SUGCT: variants seen among roughly 807,000 people sequenced by gnomAD.
SUGCT encodes succinyl-CoA:glutarate CoA-transferase.
SUGCT carries 41 observed loss-of-function variants against 55.0 expected under a neutral mutation model. The ratio of observed to expected loss-of-function variants is 0.74; its 90% CI spans 0.58 to 0.97. The LOEUF is 0.97. Among genes scored for constraint, SUGCT ranks in the 50% least tolerant of loss-of-function variants. SUGCT has a pLI of 0.00. For missense variants in SUGCT, 568 were observed against 547.8 expected, an observed-to-expected ratio of 1.04 and a Z score of -0.37; for synonymous variants, 187 against 200.4, an observed-to-expected ratio of 0.93 and a Z score of 0.56.
intron 13 of SUGCT, among the ~76,000 whole-genome samples, chr7:40,790,386 G>T (rs1490111269): frequency 1.3e-5 from 2 of 152,148 alleles, no homozygotes; most frequent in Non-Finnish European, 2.9e-5. Context: ...GTGGAACTGT[G>T]ACTCAATTAA....
chr7:40,411,347 C>T (rs1038233085), intron 9 of SUGCT, among the ~76,000 whole-genome samples: 2 of 152,148 alleles, frequency 1.3e-5, no homozygotes, highest in South Asian at 2.1e-4. Flanking sequence ...GAGCCGAGAT[C>T]GTGCCACTGT....
chr7:40,314,721 T>C (rs572679377), intron 8 of SUGCT, among the ~76,000 whole-genome samples: 1 of 152,140 alleles, frequency 6.6e-6, no homozygotes, highest in South Asian at 2.1e-4. Context: ...TGTGCCACCA[T>C]GCCTGGCTAA....
intron 9 of SUGCT, among the ~76,000 whole-genome samples, chr7:40,330,129 A>T (rs1325079232): frequency 6.6e-6 from 1 of 152,230 alleles, no homozygotes; most frequent in Non-Finnish European, 1.5e-5. Flanking sequence ...CGTAGACATT[A>T]TTGAGAACAG....
chr7:40,898,723 C>T, the SUGCT span, among the ~76,000 whole-genome samples: 25 of 152,012 alleles, frequency 1.6e-4, no homozygotes, highest in Non-Finnish European at 2.8e-4. Context: ...ACACTTACCA[C>T]GAGGGTACGC....
intron 9 of SUGCT, among the ~76,000 whole-genome samples, chr7:40,320,036 C>T (rs374911004): frequency 4.6e-5 from 7 of 151,884 alleles, no homozygotes; most frequent in African/African-American, 1.7e-4. Flanking sequence ...TTCTTTTGTT[C>T]CCATTTCTAG....
At chr7:40,585,562 G>A (rs543992135) in intron 12 of SUGCT, among the ~76,000 whole-genome samples, 9 of 152,240 alleles carry the variant, frequency 5.9e-5, no homozygotes, top group South Asian at 2.1e-4. Flanking sequence ...TTGTAGAGGC[G>A]AGATCTTGAT....
the SUGCT span, among the ~76,000 whole-genome samples, chr7:41,035,015 TGGGCACTG>T: frequency 1.3e-5 from 2 of 152,160 alleles, no homozygotes; most frequent in African/African-American, 4.8e-5. Context: ...GAGAAGCACT[TGGGCACTG>T]GGGCACTGAT....
At chr7:40,452,557 C>A (rs950689396) in intron 10 of SUGCT, among the ~76,000 whole-genome samples, 4 of 152,090 alleles carry the variant, frequency 2.6e-5, no homozygotes, top group Non-Finnish European at 4.4e-5. Flanking sequence ...TATAATATAT[C>A]CAAGGTATAA....
At chr7:40,327,106 G>C (rs1796060403) in intron 9 of SUGCT, among the ~76,000 whole-genome samples, 1 of 152,208 alleles carries the variant, frequency 6.6e-6, no homozygotes, top group African/African-American at 2.4e-5. Flanking sequence ...ATATTCAAAA[G>C]TTGGTTTTCT....
intron 11 of SUGCT, among the ~76,000 whole-genome samples, chr7:40,465,378 G>C (rs1790044956): frequency 6.6e-6 from 1 of 152,122 alleles, no homozygotes; most frequent in Non-Finnish European, 1.5e-5. Flanking sequence ...GGGAGGCTGA[G>C]GCAGGCAGAT....
chr7:40,990,378 C>T, the SUGCT span, among the ~76,000 whole-genome samples: 1 of 152,232 alleles, frequency 6.6e-6, no homozygotes, highest in Non-Finnish European at 1.5e-5. Context: ...TCAGTTTCAA[C>T]AGCGGTCTTA....
intron 8 of SUGCT, among the ~76,000 whole-genome samples, chr7:40,296,051 G>T (rs1227672951): frequency 6.6e-6 from 1 of 152,168 alleles, no homozygotes; most frequent in Non-Finnish European, 1.5e-5. Flanking sequence ...TACCCTATAT[G>T]ATGATAATAT....
At chr7:40,195,523 G>C (rs1305499415) in intron 6 of SUGCT, among the ~76,000 whole-genome samples, 2 of 151,574 alleles carry the variant, frequency 1.3e-5, no homozygotes, top group South Asian at 2.1e-4. Flanking sequence ...GTCCGGCCTT[G>C]GCTGCTGAAC....
At chr7:41,014,657 G>A in the SUGCT span, among the ~76,000 whole-genome samples, 4 of 152,148 alleles carry the variant, frequency 2.6e-5, no homozygotes, top group African/African-American at 9.7e-5. Flanking sequence ...TCAACAATGA[G>A]CCAAGTCGTC....
chr7:40,586,082 T>A (rs1797363285), intron 12 of SUGCT, among the ~76,000 whole-genome samples: 1 of 152,178 alleles, frequency 6.6e-6, no homozygotes, highest in Non-Finnish European at 1.5e-5. Flanking sequence ...TCCAGGTGGT[T>A]CAAGATCCCC....
the SUGCT span, among the ~76,000 whole-genome samples, chr7:40,899,620 A>G: frequency 1.3e-5 from 2 of 152,084 alleles, no homozygotes; most frequent in Admixed American, 6.5e-5. Flanking sequence ...TTGAGCATAC[A>G]ATATGGTTTT....
chr7:40,553,600 C>T (rs1418807290), intron 12 of SUGCT, among the ~76,000 whole-genome samples: 2 of 151,906 alleles, frequency 1.3e-5, no homozygotes, highest in African/African-American at 2.4e-5. Flanking sequence ...ATATGTCCAC[C>T]CTCTACACGT....
At chr7:40,159,971 G>A (rs1784068430) in intron 1 of SUGCT, among the ~76,000 whole-genome samples, 2 of 152,152 alleles carry the variant, frequency 1.3e-5, no homozygotes, top group Non-Finnish European at 2.9e-5. Context: ...TGTTGTTGCT[G>A]GAGAAAGAAG....
intron 13 of SUGCT, among the ~76,000 whole-genome samples, chr7:40,822,728 C>G (rs1792089454): frequency 6.6e-6 from 1 of 152,128 alleles, no homozygotes; most frequent in African/African-American, 2.4e-5. Flanking sequence ...CACGTACACT[C>G]ATCAGTGGAC....
Sources: allele counts gnomAD v4.1 joint callset (sites outside exome capture counted in the v4.1 genomes callset), GRCh38; gene constraint gnomAD v4.1.1; transcripts MANE v1.5; gene names NCBI Gene and HGNC (gene_info 2026-07-23, HGNC 2026-07-21).